The following MAP2 variants were observed in gnomAD, a reference collection of about 807,000 sequenced individuals.
MAP2 encodes microtubule associated protein 2, also known as microtubule-associated protein 2.
In MAP2, 14 loss-of-function variants were observed where a neutral mutation model predicts 137.6. The ratio of observed to expected loss-of-function variants is 0.10; its 90% CI spans 0.07 to 0.16. The LOEUF (loss-of-function observed/expected upper bound fraction) is 0.16, where lower values mean the gene tolerates loss of function less well. Ranked by LOEUF, MAP2 falls within the 10% of genes least tolerant of loss-of-function variation. The pLI is 1.00. For missense variants in MAP2, 2,088 were observed against 2,191.5 expected, an observed-to-expected ratio of 0.95 and a Z score of 0.94; for synonymous variants, 786 against 782.3, an observed-to-expected ratio of 1.00 and a Z score of -0.08.
intron 1 of MAP2, among the ~76,000 whole-genome samples, chr2:209,477,190 C>A (rs566455784): frequency 6.6e-6 from 1 of 152,148 alleles, no homozygotes; most frequent in South Asian, 2.1e-4. Flanking sequence ...GATTTGGAAA[C>A]AATGAAAGTG....
At chr2:209,638,131 T>C (rs191994092) in intron 4 of MAP2, among the ~76,000 whole-genome samples, 1 of 152,272 alleles carries the variant, frequency 6.6e-6, no homozygotes, top group East Asian at 1.9e-4. Flanking sequence ...ATTTCAGGCC[T>C]GGAGGATTTA....
chr2:209,596,936 C>T (rs1056296914), intron 3 of MAP2, among the ~76,000 whole-genome samples: 6 of 152,150 alleles, frequency 3.9e-5, no homozygotes, highest in African/African-American at 1.2e-4. Context: ...AAATAGGACT[C>T]CTGCTTTTGG....
At chr2:209,474,630 A>G (rs1433930956) in intron 1 of MAP2, among the ~76,000 whole-genome samples, 1 of 152,090 alleles carries the variant, frequency 6.6e-6, no homozygotes, top group African/African-American at 2.4e-5. Flanking sequence ...GTGTATGTGT[A>G]TGTATTACAA....
intron 5 of MAP2, among the ~76,000 whole-genome samples, chr2:209,675,168 A>C (rs2050744167): frequency 6.6e-6 from 1 of 152,016 alleles, no homozygotes; most frequent in South Asian, 2.1e-4. Flanking sequence ...TGACTATGCT[A>C]AAATAATGTT....
chr2:209,469,839 C>G (rs1705208897), intron 1 of MAP2, among the ~76,000 whole-genome samples: 2 of 152,198 alleles, frequency 1.3e-5, no homozygotes, highest in Non-Finnish European at 2.9e-5. Context: ...AGCATTGCCA[C>G]TCACTAGTTA....
At chr2:209,662,601 A>G (rs2153637768) in intron 5 of MAP2, among the ~76,000 whole-genome samples, 1 of 152,168 alleles carries the variant, frequency 6.6e-6, no homozygotes, top group African/African-American at 2.4e-5. Context: ...TTTTGTCATC[A>G]TATTTTTCTT....
chr2:209,513,627 G>GAAAAAAC (rs201076367), intron 2 of MAP2, among the ~76,000 whole-genome samples: 8,506 of 151,562 alleles, frequency 0.056, 257 homozygotes, highest in South Asian at 0.092. Flanking sequence ...TTTCTCTCTT[G>GAAAAAAC]AAAAAACAAA....
intron 2 of MAP2, among the ~76,000 whole-genome samples, chr2:209,565,351 GGGACTACA>G (rs2073151474): frequency 6.6e-6 from 1 of 151,902 alleles, no homozygotes; most frequent in Non-Finnish European, 1.5e-5. Flanking sequence ...TCTAGTAGCT[GGGACTACA>G]GGTACACACT....
At chr2:209,448,350 A>C (rs532865223) in intron 1 of MAP2, among the ~76,000 whole-genome samples, 2 of 152,248 alleles carry the variant, frequency 1.3e-5, no homozygotes, top group East Asian at 3.9e-4. Flanking sequence ...GCTGGCAGCC[A>C]ATCTTGCGTG....
chr2:209,683,592 A>G (rs1330193791), intron 7 of MAP2, among the ~76,000 whole-genome samples: 1 of 152,226 alleles, frequency 6.6e-6, no homozygotes, highest in Non-Finnish European at 1.5e-5. Flanking sequence ...AAGTCACAAG[A>G]CAGGATTGAA....
intron 5 of MAP2, among the ~76,000 whole-genome samples, chr2:209,666,178 G>A (rs1267128617): frequency 2.0e-5 from 3 of 151,956 alleles, no homozygotes; most frequent in East Asian, 1.9e-4. Flanking sequence ...GCTTTCCTTC[G>A]AGCTTTACTG....
rs1386884652 is a variant in MAP2 at position 209,693,324 on chromosome 2, C to T, written c.1154C>T (p.Ser385Leu). 1 of 1,613,786 alleles carries T rather than the reference C, an allele frequency of 6.2e-7. No homozygotes were observed. The highest frequency in any genetic ancestry group is 8.5e-7 in the Non-Finnish European group (1 of 1,179,950). The change falls in exon 8 of 16, where the codon TCA (serine) becomes TTA (leucine). Residue 385 changes from serine (S) to leucine (L), a missense_variant. By Grantham distance (145) the Ser-to-Leu change is moderately radical (BLOSUM62 -2). Coordinates refer to ENST00000682079, the MANE Select transcript of MAP2 (RefSeq NM_001375505.1). ...GACAAAATGGCAGAAGCACCACCCT[C>T]AGAGGCAATGACCTTACCCAAAGAT... ...KPDKMAEAPP[S>L]EAMTLPKDAH...
At chr2:209,528,907 C>T (rs1324789983) in intron 2 of MAP2, among the ~76,000 whole-genome samples, 1 of 144,368 alleles carries the variant, frequency 6.9e-6, no homozygotes. Flanking sequence ...TATATACACA[C>T]ATATATACAC....
chr2:209,463,299 G>T (rs971179871), intron 1 of MAP2, among the ~76,000 whole-genome samples: 4 of 152,030 alleles, frequency 2.6e-5, no homozygotes, highest in African/African-American at 9.7e-5. Flanking sequence ...TTTCTAATTT[G>T]TTTTATTTCA....
intron 2 of MAP2, among the ~76,000 whole-genome samples, chr2:209,533,176 C>T (rs1017441025): frequency 2.0e-5 from 3 of 151,778 alleles, no homozygotes; most frequent in South Asian, 2.1e-4. Flanking sequence ...GATGGGGTTT[C>T]GCTCATCACC....
chr2:209,500,347 A>T (rs903134062), intron 1 of MAP2, among the ~76,000 whole-genome samples: 2 of 152,264 alleles, frequency 1.3e-5, no homozygotes, highest in Admixed American at 6.5e-5. Flanking sequence ...GTCATACTCC[A>T]GGCTAGGTAT....
intron 3 of MAP2, among the ~76,000 whole-genome samples, chr2:209,588,772 T>A (rs2078443154): frequency 6.6e-6 from 1 of 152,014 alleles, no homozygotes; most frequent in Admixed American, 6.6e-5. Flanking sequence ...GGAAAATTTG[T>A]GATATTTCAG....
intron 7 of MAP2, among the ~76,000 whole-genome samples, chr2:209,683,242 T>C (rs1489933588): frequency 6.6e-6 from 1 of 152,228 alleles, no homozygotes; most frequent in African/African-American, 2.4e-5. Context: ...TTCTTCAAGC[T>C]GTTTCAAGAT....
At chr2:209,690,196 T>C (rs961482161) in intron 7 of MAP2, among the ~76,000 whole-genome samples, 1 of 152,168 alleles carries the variant, frequency 6.6e-6, no homozygotes, top group Non-Finnish European at 1.5e-5. Context: ...AAAGGCTTTT[T>C]TTTTTCAGTA....
Sources: gnomAD v4.1 joint callset for allele counts (sites outside exome capture counted in the v4.1 genomes callset) on GRCh38, gnomAD v4.1.1 for gene constraint, MANE v1.5 for transcripts, NCBI Gene and HGNC (gene_info 2026-07-23, HGNC 2026-07-21) for gene names.